Variants in CASQ1 observed in about 807,000 individuals in gnomAD.
The protein encoded by CASQ1 is calsequestrin 1.
In CASQ1, 40 loss-of-function variants were observed where a neutral mutation model predicts 49.5. The ratio of observed to expected loss-of-function variants is 0.81; its 90% CI spans 0.63 to 1.05. The LOEUF (loss-of-function observed/expected upper bound fraction) is 1.05, where lower values mean the gene tolerates loss of function less well. Among genes scored for constraint, CASQ1 ranks in the 50% least tolerant of loss-of-function variants. The pLI, the probability that CASQ1 is intolerant of heterozygous loss-of-function variation, is 0.00. For missense variants in CASQ1, 469 were observed against 486.9 expected (o/e 0.96, Z 0.35); for synonymous variants, 174 against 187.2 (o/e 0.93, Z 0.58).
intron 4 of CASQ1, 64 bp from the exon 5 acceptor site, chr1:160,195,397 T>G: frequency 6.9e-7 from 1 of 1,452,692 alleles, no homozygotes; most frequent in Non-Finnish European, 9.7e-7. Context: ...GGGACGATAG[T>G]GGGGGATGAT....
intron 10 of CASQ1, among the ~76,000 whole-genome samples, chr1:160,200,786 A>G (rs1176960173): frequency 6.6e-6 from 1 of 152,170 alleles, no homozygotes; most frequent in African/African-American, 2.4e-5. Context: ...AGGTGGGAGA[A>G]TCACTTGAGG....
intron 6 of CASQ1, 63 bp from the exon 7 acceptor site, chr1:160,197,506 G>C: frequency 8.4e-7 from 1 of 1,193,104 alleles, no homozygotes. Flanking sequence ...TTTGCTACAG[G>C]ACCCTCTGGA....
Position 160,193,599 on chromosome 1 carries a change from G to A in CASQ1, c.365-148G>A, listed in dbSNP as rs539954671. On this transcript the variant is annotated intron_variant, in intron 2 of 10. Transcript: ENST00000368078. ...CCTGTCGGCCTCTGGGTCAGAGGAG[G>A]TGGGTGGGGCAACGGGCCCATGAGG... The A allele has an allele frequency of 2.3e-4, 133 of 574,474 alleles. No homozygotes were observed. The African/African-American group carries it at 2.3e-3, about 10-fold the overall frequency. The allele number at this position is 574,474 out of a possible 1,614,324, so 35.6% of individuals were successfully genotyped here. A position where few individuals can be genotyped will look rare whatever the true frequency, so the allele number is the denominator to read the frequency against.
chr1:160,192,986 G>A lies in CASQ1; in HGVS notation c.364+100G>A, dbSNP rs996881371. ...GCAGTCCTTGGGATCCGAGGGGCTT[G>A]GGAATCTCTCAGATTTATGTCTATT... On this transcript the variant is annotated intron_variant, in intron 2 of 10. Transcript: ENST00000368078. 1.8e-5 allele frequency: 16 copies of A among 901,112 alleles called. No homozygotes were observed. In the East Asian group the frequency reaches 3.9e-4, roughly 22 times the overall value. 55.8% of individuals were successfully genotyped at this position (901,112 alleles called of 1,614,324 possible).
Position 160,201,642 on chromosome 1 carries a change from A to G in CASQ1, c.*266A>G, listed in dbSNP as rs1382418881. Reference sequence around the variant, plus strand: ...CTTGTATCTATTATGTGTCTCTTCCATCACTCTCCATACTCTTTCTTGTGA... The same window carrying G: ...CTTGTATCTATTATGTGTCTCTTCCGTCACTCTCCATACTCTTTCTTGTGA... On this transcript the variant is annotated 3_prime_UTR_variant, in exon 11 of 11. Coordinates refer to ENST00000368078, the MANE Select transcript of CASQ1 (RefSeq NM_001231.5). 5.8e-6 allele frequency: 3 copies of G among 513,618 alleles called. No individual in the cohort carries two copies. Among genetic ancestry groups the G allele is most frequent in the African/African-American group, 1.9e-5 (1 of 52,106 alleles). 31.8% of individuals were successfully genotyped at this position (513,618 alleles called of 1,614,324 possible).
intron 1 of CASQ1, among the ~76,000 whole-genome samples, chr1:160,192,420 C>G (rs1190544823): frequency 1.3e-5 from 2 of 148,734 alleles, no homozygotes; most frequent in Non-Finnish European, 3.0e-5. Context: ...TGGCCCTTGA[C>G]CAGGGACAGG....
chr1:160,194,538 G>GCA (rs753486929), intron 3 of CASQ1, among the ~76,000 whole-genome samples: 26 of 124,774 alleles, frequency 2.1e-4, no homozygotes, highest in Non-Finnish European at 4.1e-4. Flanking sequence ...CCGTACATGC[G>GCA]CACACACACA....
intron 1 of CASQ1, 53 bp downstream of exon 1, chr1:160,191,083 T>G: frequency 6.3e-7 from 1 of 1,576,764 alleles, no homozygotes; most frequent in Non-Finnish European, 8.6e-7. Flanking sequence ...CTCTCCGGAA[T>G]CCCCTATCCT....
rs542627456 is a variant in CASQ1 at position 160,196,039 on chromosome 1, G to A, written c.782+12G>A. 166 of 1,613,188 alleles carry A rather than the reference G, an allele frequency of 1.0e-4. No homozygotes were observed. The highest frequency in any genetic ancestry group is 1.4e-4 in the Non-Finnish European group (164 of 1,179,606). ...GAGGAGCACAGGAGGTGGGGACCAAGGGCAACCCTCTCAGCGGGGTCGGCT... is the reference window on the plus strand; with the variant it reads ...GAGGAGCACAGGAGGTGGGGACCAAAGGCAACCCTCTCAGCGGGGTCGGCT... On this transcript the variant is annotated intron_variant, in intron 6 of 10. Transcript: ENST00000368078.
At chr1:160,198,137 G>A (rs985931203) in intron 7 of CASQ1, 1 of 161,906 alleles carries the variant, frequency 6.2e-6, no homozygotes, top group African/African-American at 2.4e-5. Flanking sequence ...CAAGCCTGGG[G>A]ATAAAGGGAT....
Position 160,190,809 on chromosome 1 carries a change from C to A in CASQ1, c.58C>A (p.Leu20Met). Residue 20 changes from leucine to methionine, a missense_variant, in exon 1 of 11, where the codon CTG becomes ATG. Leu to Met is a conservative substitution (Grantham distance 15, BLOSUM62 2). Coordinates refer to ENST00000368078, the MANE Select transcript of CASQ1 (RefSeq NM_001231.5). ...RAVPGLRLAL[L>M]LLLVLGTPKS... ...TGTGCCGGGTCTGCGGCTGGCACTG[C>A]TGTTGCTGCTGGTGCTAGGGACACC... The A allele has an allele frequency of 6.2e-7, 1 of 1,614,160 alleles. No homozygotes were observed. The highest frequency in any genetic ancestry group is 8.5e-7 in the Non-Finnish European group (1 of 1,180,010).
At chr1:160,192,224 C>T (rs1214288528) in intron 1 of CASQ1, among the ~76,000 whole-genome samples, 6 of 151,890 alleles carry the variant, frequency 4.0e-5, no homozygotes, top group Admixed American at 2.0e-4. Context: ...ACTGTCCGGT[C>T]GCTGTCAGTC....
rs1423688773 is a variant in CASQ1 at position 160,197,613 on chromosome 1, G to A, written c.827G>A (p.Trp276Ter). 1.1e-5 allele frequency: 17 copies of A among 1,608,066 alleles called. No homozygotes were observed. The highest frequency in any genetic ancestry group is 1.4e-5 in the Non-Finnish European group (17 of 1,174,452). ...AAGCCGGAGAGTATGTATGAGACCT[G>A]GGTGAGTGCCCCTGGCCAGGGTCAA... The part of the protein sequence containing the change: ...KLKPESMYET[W>*]EDDMDGIHIV... The change falls in exon 7 of 11, where the codon TGG becomes TAG. Residue 276 changes from tryptophan to a stop codon, truncating the protein, a stop_gained and splice_region_variant. Transcript: ENST00000368078. LOFTEE classifies it high-confidence loss of function.
In CASQ1 at chr1:160,192,645, G is replaced by A. The variant is rs1208337198; in HGVS notation, c.280-157G>A. 32 of 669,344 alleles carry A rather than the reference G, an allele frequency of 4.8e-5. 1 individual carries two copies. The highest frequency in any genetic ancestry group is 4.8e-4 in the South Asian group (27 of 56,724). The allele number at this position is 669,344 out of a possible 1,614,324, so 41.5% of individuals were successfully genotyped here. On this transcript the variant is annotated intron_variant, in intron 1 of 10. Coordinates refer to ENST00000368078, the MANE Select transcript of CASQ1 (RefSeq NM_001231.5). ...GAGCCAAAAACAGAACTGTGTGGCT[G>A]TAGGGAATTTGGGGGATATTCTGGA...
chr1:160,192,658 G>A (rs1328590192), intron 1 of CASQ1, 144 bp from the exon 2 acceptor site: 1 of 693,138 alleles, frequency 1.4e-6, no homozygotes, highest in East Asian at 2.5e-5. Context: ...GGGAATTTGG[G>A]GGATATTCTG....
In CASQ1 at chr1:160,201,348, A is replaced by G. The variant is rs759372094; in HGVS notation, c.1163A>G (p.Glu388Gly). Residue 388 changes from glutamate to glycine, a missense_variant, in exon 11 of 11, where the codon GAG (glutamate) becomes GGG (glycine). Glu to Gly is a moderately conservative substitution (Grantham distance 98). Transcript: ENST00000368078. Reference sequence around the variant, plus strand: ...GTCCTGGAGGGCGAGATCAACACAGAGGACGATGACGATGATGATGATGAC... The same window carrying G: ...GTCCTGGAGGGCGAGATCAACACAGGGGACGATGACGATGATGATGATGAC... Reference protein sequence around the residue: ...EDVLEGEINTEDDDDDDDD With the variant: ...EDVLEGEINTGDDDDDDDD 14 of 1,613,950 alleles carry G rather than the reference A, an allele frequency of 8.7e-6. No individual in the cohort carries two copies. The highest frequency in any genetic ancestry group is 1.6e-4 in the Middle Eastern group (1 of 6,084).
intron 2 of CASQ1, among the ~76,000 whole-genome samples, chr1:160,193,100 A>G (rs2101671880): frequency 6.6e-6 from 1 of 152,246 alleles, no homozygotes; most frequent in East Asian, 1.9e-4. Context: ...CCATGCTCAA[A>G]TCCCAGAAAG....
chr1:160,193,931 G>GCA (rs1302941678), intron 3 of CASQ1, 84 bp downstream of exon 3: 8 of 781,122 alleles, frequency 1.0e-5, no homozygotes, highest in South Asian at 8.2e-5. Flanking sequence ...ACCTGACACT[G>GCA]CACACACACA....
Position 160,193,925 on chromosome 1 carries a change from G to C in CASQ1, c.465+78G>C, listed in dbSNP as rs575499792. 3.1e-4 allele frequency: 249 copies of C among 815,284 alleles called. No individual in the cohort carries two copies. In the African/African-American group the frequency reaches 3.9e-3, roughly 13 times the overall value. 50.5% of individuals were successfully genotyped at this position (815,284 alleles called of 1,614,324 possible). The stretch of plus-strand genomic sequence containing the variant: ...CCCTAGTCCCTACCAACCCCAACCT[G>C]ACACTGCACACACACACCACACACA... On this transcript the variant is annotated intron_variant, in intron 3 of 10. Coordinates refer to ENST00000368078, the MANE Select transcript of CASQ1 (RefSeq NM_001231.5).
Sources: gnomAD v4.1 joint callset for allele counts (sites outside exome capture counted in the v4.1 genomes callset) on GRCh38, gnomAD v4.1.1 for gene constraint, MANE v1.5 for transcripts, NCBI Gene and HGNC (gene_info 2026-07-23, HGNC 2026-07-21) for gene names.